CNTN4: variants seen among roughly 807,000 people sequenced by gnomAD.
CNTN4 encodes the protein contactin-4.
Under a neutral mutation model 122.5 loss-of-function variants are expected in CNTN4, and 77 were observed. The observed-to-expected ratio is 0.63, with a 90% CI of 0.52 to 0.76. The LOEUF (loss-of-function observed/expected upper bound fraction) is 0.76. Among genes scored for constraint, CNTN4 ranks in the 30% least tolerant of loss-of-function variants. CNTN4 has a pLI of 0.00. For synonymous variants in CNTN4, 512 were observed against 447.0 expected (o/e 1.15, Z -1.83); for missense variants, 1,256 against 1,259.1 (o/e 1.00, Z 0.04).
At chr3:2,514,491 A>G (rs968822864) in intron 3 of CNTN4, among the ~76,000 whole-genome samples, 2 of 152,094 alleles carry the variant, frequency 1.3e-5, no homozygotes, top group East Asian at 1.9e-4. Flanking sequence ...AAAAATGAAT[A>G]TGACTGAATG....
intron 2 of CNTN4, among the ~76,000 whole-genome samples, chr3:2,203,199 C>G (rs976709246): frequency 6.6e-6 from 1 of 152,028 alleles, no homozygotes; most frequent in Non-Finnish European, 1.5e-5. Context: ...TTGACTTTTA[C>G]ACAGTATTTA....
chr3:2,834,553 C>T (rs1403830839), intron 7 of CNTN4, among the ~76,000 whole-genome samples: 3 of 151,954 alleles, frequency 2.0e-5, no homozygotes, highest in Non-Finnish European at 2.9e-5. Flanking sequence ...GGCAACACTG[C>T]GAGACTCCAT....
intron 3 of CNTN4, among the ~76,000 whole-genome samples, chr3:2,375,935 A>G (rs2045799022): frequency 3.3e-5 from 5 of 151,922 alleles, no homozygotes; most frequent in Non-Finnish European, 5.9e-5. Context: ...AAAAAAAAAG[A>G]GAAAACCCTC....
intron 12 of CNTN4, among the ~76,000 whole-genome samples, chr3:2,924,785 G>A (rs143379590): frequency 2.9e-3 from 440 of 152,252 alleles, no homozygotes; most frequent in Non-Finnish European, 4.5e-3. Context: ...CACTTGCAGT[G>A]AAAAGCTAAA....
chr3:2,380,886 C>A (rs1559502237), intron 3 of CNTN4, among the ~76,000 whole-genome samples: 1 of 152,138 alleles, frequency 6.6e-6, no homozygotes, highest in Non-Finnish European at 1.5e-5. Flanking sequence ...TTGACCAGAT[C>A]AATTTGAATC....
chr3:2,358,814 A>C (rs535745131), intron 3 of CNTN4, among the ~76,000 whole-genome samples: 2 of 152,310 alleles, frequency 1.3e-5, no homozygotes, highest in East Asian at 3.9e-4. Flanking sequence ...TTATTCCAAT[A>C]TAGTTACTTG....
At chr3:2,996,141 A>G (rs1338789465) in intron 14 of CNTN4, among the ~76,000 whole-genome samples, 2 of 152,110 alleles carry the variant, frequency 1.3e-5, no homozygotes, top group Non-Finnish European at 1.5e-5. Context: ...ATGTGAAAGG[A>G]CTTTAGCTGT....
At chr3:2,284,344 C>T (rs1487838397) in intron 2 of CNTN4, among the ~76,000 whole-genome samples, 1 of 152,024 alleles carries the variant, frequency 6.6e-6, no homozygotes, top group Non-Finnish European at 1.5e-5. Flanking sequence ...TATTTTAGGC[C>T]AATCTATAGT....
chr3:2,432,310 A>T (rs962429442), intron 3 of CNTN4, among the ~76,000 whole-genome samples: 13 of 152,214 alleles, frequency 8.5e-5, no homozygotes, highest in African/African-American at 3.1e-4. Context: ...TATATGCTAG[A>T]TGTTGGGGAA....
At chr3:2,114,568 T>A (rs11925365) in intron 2 of CNTN4, among the ~76,000 whole-genome samples, 29,271 of 152,124 alleles carry the variant, frequency 0.19, 3,142 homozygotes, top group East Asian at 0.45. Flanking sequence ...GAGTGGACGC[T>A]AGGGGTATGG....
At chr3:2,978,911 A>G (rs986681544) in intron 13 of CNTN4, among the ~76,000 whole-genome samples, 1 of 152,150 alleles carries the variant, frequency 6.6e-6, no homozygotes, top group South Asian at 2.1e-4. Flanking sequence ...GCAGAGTTCA[A>G]TTAACTGGAG....
chr3:2,814,118 A>C (rs2092675214), intron 6 of CNTN4, among the ~76,000 whole-genome samples: 1 of 152,242 alleles, frequency 6.6e-6, no homozygotes, highest in South Asian at 2.1e-4. Flanking sequence ...TCTGCCACAC[A>C]ATTGTACAAT....
At position 2,576,722 on chromosome 3, in the gene CNTN4, A is replaced by C. The variant is rs543485308; in HGVS notation, c.55+5164A>C. Among the ~76,000 whole-genome samples, 3 of 151,894 alleles carry C rather than the reference A, an allele frequency of 2.0e-5. No individual in the cohort carries two copies. The South Asian group carries it at 6.3e-4, about 32-fold the overall frequency. ...ACCACCACGCCCAGCTAGTTTTTGTATTTCTAGTAGAGACGGGGTTTTGCC... is the reference window on the plus strand; with the variant it reads ...ACCACCACGCCCAGCTAGTTTTTGTCTTTCTAGTAGAGACGGGGTTTTGCC... On this transcript the variant is annotated intron_variant, in intron 4 of 24. Transcript: ENST00000418658.
intron 3 of CNTN4, among the ~76,000 whole-genome samples, chr3:2,492,524 C>T (rs1222541624): frequency 6.6e-6 from 1 of 152,122 alleles, no homozygotes; most frequent in Non-Finnish European, 1.5e-5. Flanking sequence ...TTTGGAGATC[C>T]AAGAGCTGGG....
chr3:2,736,033 C>T (rs2089063124), intron 4 of CNTN4, 182 bp from the exon 5 acceptor site: 1 of 740,084 alleles, frequency 1.4e-6, no homozygotes, highest in African/African-American at 1.7e-5. Flanking sequence ...TTCACTTCAT[C>T]ATAATCCACA....
At chr3:2,294,835 AC>A (rs1056079844) in intron 2 of CNTN4, among the ~76,000 whole-genome samples, 1 of 151,454 alleles carries the variant, frequency 6.6e-6, no homozygotes, top group African/African-American at 2.4e-5. Context: ...CTCTCCCCCA[AC>A]CCCACAACAG....
intron 2 of CNTN4, among the ~76,000 whole-genome samples, chr3:2,261,184 A>G (rs2040822482): frequency 6.6e-6 from 1 of 152,126 alleles, no homozygotes; most frequent in Non-Finnish European, 1.5e-5. Context: ...TTTATTGCAT[A>G]CTATTCTTAT....
intron 6 of CNTN4, among the ~76,000 whole-genome samples, chr3:2,782,014 G>A (rs997803557): frequency 5.9e-5 from 9 of 151,992 alleles, no homozygotes; most frequent in Admixed American, 3.9e-4. Flanking sequence ...TGAGCCACCG[G>A]TAAATTTAAA....
At chr3:2,629,068 T>C (rs554803928) in intron 4 of CNTN4, among the ~76,000 whole-genome samples, 2 of 152,202 alleles carry the variant, frequency 1.3e-5, no homozygotes, top group Non-Finnish European at 2.9e-5. Context: ...AAGGAACTTA[T>C]GTTACAGACT....
Sources: gnomAD v4.1 joint callset for allele counts (sites outside exome capture counted in the v4.1 genomes callset) on GRCh38, gnomAD v4.1.1 for gene constraint, MANE v1.5 for transcripts, NCBI Gene and HGNC (gene_info 2026-07-23, HGNC 2026-07-21) for gene names.